EVI5: variants seen among roughly 807,000 people sequenced by gnomAD.
The protein encoded by EVI5 is ecotropic viral integration site 5.
Under a neutral mutation model 112.0 loss-of-function variants are expected in EVI5, and 73 were observed. That is an observed-to-expected ratio of 0.65 (90% CI 0.54 to 0.79). EVI5 has a LOEUF of 0.79. Ranked by LOEUF, EVI5 falls within the 30% of genes least tolerant of loss-of-function variation. EVI5 has a pLI of 0.00. For synonymous variants in EVI5, 305 were observed against 319.9 expected (o/e 0.95, Z 0.50); for missense variants, 900 against 968.8 (o/e 0.93, Z 0.94).
chr1:92,555,763 T>G (rs1305612741), intron 19 of EVI5, among the ~76,000 whole-genome samples: 1 of 145,998 alleles, frequency 6.8e-6, no homozygotes, highest in African/African-American at 2.6e-5. Flanking sequence ...GGCAGGAGAA[T>G]CACTCGAACC....
At chr1:92,569,852 CAAA>C (rs1184172805) in intron 18 of EVI5, among the ~76,000 whole-genome samples, 1 of 39,510 alleles carries the variant, frequency 2.5e-5, no homozygotes, top group African/African-American at 1.1e-4. Context: ...GACTCCATCT[CAAA>C]AAAAAAAAAA....
At chr1:92,760,894 A>C in intron 1 of EVI5, among the ~76,000 whole-genome samples, 1 of 151,736 alleles carries the variant, frequency 6.6e-6, no homozygotes. Flanking sequence ...ATCTCTACTA[A>C]AAAAATACAA....
At position 92,731,648 on chromosome 1, in the gene EVI5, G is replaced by C. The variant is rs140364698; in HGVS notation, c.149+4750C>G. Among the ~76,000 whole-genome samples, 787 of 152,272 alleles carry C rather than the reference G, an allele frequency of 5.2e-3. 30 individuals carry two copies. The highest frequency in any genetic ancestry group is 0.047 in the Admixed American group (716 of 15,288). On this transcript the variant is annotated intron_variant, in intron 2 of 19. Transcript: ENST00000684568. Reference sequence around the variant, plus strand: ...TAACACTATCTGATTTCAAGACTCAGTATAAGCCTACAATAATCAAGGCAG... The same window carrying C: ...TAACACTATCTGATTTCAAGACTCACTATAAGCCTACAATAATCAAGGCAG...
rs1333357034 is a variant in EVI5, at chr1:92,624,099, AG to A, written c.1827+76del. The A allele has an allele frequency of 1.5e-5, 19 of 1,285,920 alleles. No individual in the cohort carries two copies. In the African/African-American group the frequency reaches 2.8e-4, roughly 19 times the overall value. The allele number at this position is 1,285,920 out of a possible 1,614,324, so 79.7% of individuals were successfully genotyped here. A position where few individuals can be genotyped will look rare whatever the true frequency, so the allele number is the denominator to read the frequency against. On this transcript the variant is annotated intron_variant, in intron 16 of 19. Coordinates refer to ENST00000684568, the MANE Select transcript of EVI5 (RefSeq NM_001350197.2). ...TATCTTTACCTTTTATCTCTGTTCT[AG>A]GGATGATACAATCTGTGCACAAACC... is the stretch of plus-strand genomic sequence containing the variant.
At chr1:92,792,374 A>C (rs772981718) in exon 1 of EVI5, 1 of 1,611,134 alleles carries the variant, frequency 6.2e-7, no homozygotes, top group East Asian at 2.2e-5. Flanking sequence ...TAAAGGCAGC[A>C]GTCATTTTGT....
chr1:92,776,107 CAAA>C (rs1011239382), intron 1 of EVI5, among the ~76,000 whole-genome samples: 3 of 68,418 alleles, frequency 4.4e-5, no homozygotes, highest in African/African-American at 5.1e-5. Flanking sequence ...GACTCCATCT[CAAA>C]AAAAAAAAAA....
intron 1 of EVI5, among the ~76,000 whole-genome samples, chr1:92,759,739 T>C (rs773821967): frequency 6.6e-6 from 1 of 152,226 alleles, no homozygotes; most frequent in Non-Finnish European, 1.5e-5. Context: ...TAGCCTTTTC[T>C]GTCTGGCTTA....
chr1:92,720,619 G>T (rs1280462617), intron 2 of EVI5, among the ~76,000 whole-genome samples: 1 of 152,076 alleles, frequency 6.6e-6, no homozygotes, highest in Admixed American at 6.5e-5. Flanking sequence ...GCATGGGCAA[G>T]GACTTCATGA....
chr1:92,709,697 TC>T (rs1467381095), intron 2 of EVI5, among the ~76,000 whole-genome samples: 10 of 152,162 alleles, frequency 6.6e-5, no homozygotes, highest in Non-Finnish European at 1.0e-4. Flanking sequence ...ATGAAGTCTC[TC>T]CCCAGTGAAC....
intron 14 of EVI5, among the ~76,000 whole-genome samples, chr1:92,626,934 G>T (rs1157376593): frequency 6.6e-6 from 1 of 152,128 alleles, no homozygotes; most frequent in Non-Finnish European, 1.5e-5. Flanking sequence ...CAACAGTCAA[G>T]AAATTAATAC....
chr1:92,781,858 G>C (rs890406551), intron 1 of EVI5, among the ~76,000 whole-genome samples: 1 of 148,128 alleles, frequency 6.8e-6, no homozygotes, highest in Non-Finnish European at 1.5e-5. Context: ...GGGGGTTAAG[G>C]CAGGAGGAAT....
intron 16 of EVI5, among the ~76,000 whole-genome samples, chr1:92,621,293 A>C (rs77820201): frequency 0.012 from 1,827 of 152,258 alleles, 19 homozygotes; most frequent in Non-Finnish European, 0.021. Flanking sequence ...AGAAACTATG[A>C]GACTAAATTG....
In EVI5 at chr1:92,691,794, C is replaced by T. The variant is rs1035896882; in HGVS notation, c.1097+2008G>A. On this transcript the variant is annotated intron_variant, in intron 9 of 19. Transcript: ENST00000684568. ...TATTCTAAAAAGAGAAGAAAAAGAA[C>T]ATAGCTAAGTCTACAAGCTGGAAGA... is the stretch of plus-strand genomic sequence containing the variant. Among the ~76,000 whole-genome samples the T allele has an allele frequency of 5.9e-5, 9 of 152,136 alleles. 1 individual carries two copies. Among genetic ancestry groups the T allele is most frequent in the Admixed American group, 3.9e-4 (6 of 15,284 alleles).
At position 92,607,737 on chromosome 1, in the gene EVI5, A is replaced by G. The variant is rs1163290950; in HGVS notation, c.1828-10T>C. 9 of 1,570,296 alleles carry G rather than the reference A, an allele frequency of 5.7e-6. No homozygotes were observed. The highest frequency in any genetic ancestry group is 1.9e-5 in the Admixed American group (1 of 52,518). The stretch of plus-strand genomic sequence containing the variant: ...TACTATTGATCTGGTTCTAATAATC[A>G]GAAATATAAATACTGAGACTATAGA... On this transcript the variant is annotated splice_polypyrimidine_tract_variant and intron_variant, in intron 16 of 19. Transcript: ENST00000684568.
chr1:92,557,156 A>C (rs1667794082), intron 19 of EVI5, among the ~76,000 whole-genome samples: 2 of 152,228 alleles, frequency 1.3e-5, no homozygotes, highest in Non-Finnish European at 2.9e-5. Flanking sequence ...AGTAGAAACC[A>C]ATACAATGAT....
At chr1:92,564,621 G>C (rs1669136636) in intron 18 of EVI5, among the ~76,000 whole-genome samples, 1 of 151,878 alleles carries the variant, frequency 6.6e-6, no homozygotes, top group Admixed American at 6.6e-5. Context: ...ATAGATTGGT[G>C]AAGAGAGGCA....
intron 2 of EVI5, among the ~76,000 whole-genome samples, chr1:92,724,208 CG>C (rs777414586): frequency 3.9e-5 from 6 of 152,100 alleles, no homozygotes; most frequent in Admixed American, 6.5e-5. Flanking sequence ...TTTTGCAGCT[CG>C]GGGTCATCAT....
At chr1:92,574,201 G>C (rs997605810) in intron 18 of EVI5, among the ~76,000 whole-genome samples, 2 of 152,092 alleles carry the variant, frequency 1.3e-5, no homozygotes, top group Non-Finnish European at 1.5e-5. Context: ...ATTAGAGAAA[G>C]GATGAAGACA....
At chr1:92,539,683 A>G (rs1248641106) in intron 19 of EVI5, among the ~76,000 whole-genome samples, 1 of 152,192 alleles carries the variant, frequency 6.6e-6, no homozygotes, top group African/African-American at 2.4e-5. Context: ...GAGAAAGACT[A>G]TGAATTTTTA....
Sources: allele counts gnomAD v4.1 joint callset (sites outside exome capture counted in the v4.1 genomes callset), GRCh38; gene constraint gnomAD v4.1.1; transcripts MANE v1.5; gene names NCBI Gene and HGNC (gene_info 2026-07-23, HGNC 2026-07-21).